NEK10: variants seen among roughly 807,000 people sequenced by gnomAD.
NEK10 encodes the protein NIMA related kinase 10, also known as serine/threonine-protein kinase Nek10.
A neutral mutation model predicts 159.8 loss-of-function variants in NEK10; 122 were observed. The observed-to-expected ratio is 0.76, with a 90% CI of 0.66 to 0.89. The LOEUF is 0.89. Among genes scored for constraint, NEK10 ranks in the 40% least tolerant of loss-of-function variants. NEK10 has a pLI of 0.00. For synonymous variants in NEK10, 466 were observed against 457.1 expected (o/e 1.02, Z -0.25); for missense variants, 1,342 against 1,323.1 (o/e 1.01, Z -0.22).
At chr3:27,160,143 T>G (rs944374390) in intron 30 of NEK10, among the ~76,000 whole-genome samples, 3 of 152,174 alleles carry the variant, frequency 2.0e-5, no homozygotes, top group Non-Finnish European at 2.9e-5. Context: ...ATTCACAAAT[T>G]TAAGTGCTTT....
At chr3:27,218,528 C>T (rs887517074) in intron 23 of NEK10, among the ~76,000 whole-genome samples, 3 of 148,642 alleles carry the variant, frequency 2.0e-5, no homozygotes, top group Non-Finnish European at 4.4e-5. Context: ...TCCCTTGAAC[C>T]TGGGAAGCGG....
Position 27,307,882 on chromosome 3 carries a change from A to T in NEK10, c.780T>A (p.His260Gln). Residue 260 changes from histidine (H) to glutamine (Q), a missense_variant, in exon 11 of 36, where the codon CAT becomes CAA. Transcript: ENST00000691995. The stretch of plus-strand genomic sequence containing the variant: ...ACCTTTTAGAAAGCAAGTCATATTC[A>T]TGTAAAATCATCAACAGATTTTCTA... ...NIVENLLMIL[H>Q]EYDLLSKRLT... The T allele has an allele frequency of 1.3e-6, 2 of 1,551,800 alleles. No homozygotes were observed. The highest frequency in any genetic ancestry group is 1.1e-5 in the South Asian group (1 of 89,612).
At chr3:27,218,473 C>T (rs1429285684) in intron 23 of NEK10, among the ~76,000 whole-genome samples, 1 of 151,862 alleles carries the variant, frequency 6.6e-6, no homozygotes, top group Non-Finnish European at 1.5e-5. Context: ...GGCTTGGTGG[C>T]GCATGCCTTT....
intron 23 of NEK10, among the ~76,000 whole-genome samples, chr3:27,253,520 T>A (rs1344436949): frequency 4.6e-5 from 7 of 152,194 alleles, no homozygotes; most frequent in Non-Finnish European, 7.3e-5. Flanking sequence ...TGACCTTCTG[T>A]TCTAGTACAA....
chr3:27,352,497 A>G lies in NEK10; in HGVS notation c.100T>C (p.Cys34Arg). The G allele has an allele frequency of 6.2e-7, 1 of 1,611,562 alleles. No homozygotes were observed. The highest frequency in any genetic ancestry group is 1.1e-5 in the South Asian group (1 of 91,030). ...TTGCTTGATTGGACGTTCAAAAGGC[A>G]CCGAAGTCTTTTAAGATCTGAATAG... ...RDYSDLKRLR[C>R]LLNVQSSKQQ... is the part of the protein sequence containing the mutation. The change falls in exon 3 of 36, where the codon TGC becomes CGC. Residue 34 changes from cysteine (C) to arginine (R), a missense_variant. By Grantham distance (180) the Cys-to-Arg change is radical. Coordinates refer to ENST00000691995, the MANE Select transcript of NEK10 (RefSeq NM_001394966.1).
intron 1 of NEK10, among the ~76,000 whole-genome samples, chr3:27,355,133 C>T (rs1010068983): frequency 3.3e-5 from 5 of 152,104 alleles, no homozygotes; most frequent in South Asian, 2.1e-4. Flanking sequence ...AACTAAGCAG[C>T]GCCTGCTGCA....
chr3:27,200,125 C>G (rs184808474), intron 25 of NEK10, among the ~76,000 whole-genome samples: 1 of 151,712 alleles, frequency 6.6e-6, no homozygotes, highest in Admixed American at 6.6e-5. Context: ...TTAAAAAAAT[C>G]AATTAAAAAA....
intron 25 of NEK10, among the ~76,000 whole-genome samples, chr3:27,201,236 A>G (rs1170559051): frequency 6.6e-6 from 1 of 152,108 alleles, no homozygotes; most frequent in Non-Finnish European, 1.5e-5. Flanking sequence ...TATTTGTCTT[A>G]CCCACATATC....
At chr3:27,177,137 T>G (rs1947579277) in intron 26 of NEK10, among the ~76,000 whole-genome samples, 1 of 152,174 alleles carries the variant, frequency 6.6e-6, no homozygotes, top group Admixed American at 6.5e-5. Context: ...CACGGGTAAT[T>G]GACTGTTTGC....
intron 31 of NEK10, among the ~76,000 whole-genome samples, chr3:27,138,800 T>A (rs1943486330): frequency 6.6e-6 from 1 of 152,228 alleles, no homozygotes; most frequent in African/African-American, 2.4e-5. Flanking sequence ...TGGCATGCAG[T>A]TGCATCACAA....
intron 26 of NEK10, among the ~76,000 whole-genome samples, chr3:27,178,142 T>C (rs985969716): frequency 6.6e-6 from 1 of 152,210 alleles, no homozygotes; most frequent in Non-Finnish European, 1.5e-5. Context: ...CACGCTAGTA[T>C]TGGCACAATT....
At chr3:27,316,920 A>C (rs538815034) in intron 6 of NEK10, among the ~76,000 whole-genome samples, 1 of 152,210 alleles carries the variant, frequency 6.6e-6, no homozygotes, top group Non-Finnish European at 1.5e-5. Flanking sequence ...GCTGAGCACT[A>C]TAAGTCTCTA....
intron 23 of NEK10, chr3:27,252,996 C>A: frequency 4.8e-6 from 2 of 413,336 alleles, no homozygotes; most frequent in Admixed American, 3.1e-5. Context: ...ATTCTATCAA[C>A]TTTATGTATC....
intron 22 of NEK10, among the ~76,000 whole-genome samples, chr3:27,270,341 C>T (rs573837623): frequency 9.2e-5 from 14 of 152,194 alleles, no homozygotes; most frequent in Non-Finnish European, 1.5e-4. Context: ...CCATTGCCAG[C>T]CATGGTATTG....
rs1489564977 is a variant in NEK10, at chr3:27,247,430, T to A, written c.2090+8866A>T. Among the ~76,000 whole-genome samples, 3 of 152,254 alleles carry A rather than the reference T, an allele frequency of 2.0e-5. No individual in the cohort carries two copies. In the East Asian group the frequency reaches 5.8e-4, roughly 29 times the overall value. On this transcript the variant is annotated intron_variant, in intron 23 of 35. Transcript: ENST00000691995. ...CTGTTGATACAATGTATCACATTGA[T>A]TGATTTACATATCCTTGCATCTCTG...
In NEK10 at chr3:27,163,176, C is replaced by T. The variant is rs60324779; in HGVS notation, c.2832-438G>A. Among the ~76,000 whole-genome samples, 1,141 of 152,020 alleles carry T rather than the reference C, an allele frequency of 7.5e-3. 13 individuals carry two copies. The highest frequency in any genetic ancestry group is 0.026 in the African/African-American group (1,090 of 41,484). ...TTTGCATTGAAAATAATTATCTTTC[C>T]TAAAGTTGCCAGTGTTATTAACATC... On this transcript the variant is annotated intron_variant, in intron 29 of 35. Coordinates refer to ENST00000691995, the MANE Select transcript of NEK10 (RefSeq NM_001394966.1).
intron 23 of NEK10, chr3:27,215,636 T>A: frequency 2.1e-6 from 1 of 473,354 alleles, no homozygotes; most frequent in East Asian, 3.2e-5. Flanking sequence ...ATTTTGTTTA[T>A]CACATTTAAA....
chr3:27,244,954 AC>A (rs549330580), intron 23 of NEK10, among the ~76,000 whole-genome samples: 23 of 152,230 alleles, frequency 1.5e-4, no homozygotes, highest in South Asian at 6.2e-4. Context: ...GGGCTACCAC[AC>A]TTTTTCCAAT....
intron 8 of NEK10, chr3:27,311,595 C>T: frequency 6.0e-6 from 1 of 167,214 alleles, no homozygotes; most frequent in Non-Finnish European, 1.3e-5. Flanking sequence ...AGCTGGAGTG[C>T]AGGACAGCAG....
Sources: gnomAD v4.1 joint callset for allele counts (sites outside exome capture counted in the v4.1 genomes callset) on GRCh38, gnomAD v4.1.1 for gene constraint, MANE v1.5 for transcripts, NCBI Gene and HGNC (gene_info 2026-07-23, HGNC 2026-07-21) for gene names.